The following NLGN1 variants were observed in gnomAD, a reference collection of about 807,000 sequenced individuals.
The protein encoded by NLGN1 is neuroligin 1, also known as neuroligin-1.
A neutral mutation model predicts 65.5 loss-of-function variants in NLGN1; 12 were observed. That is an observed-to-expected ratio of 0.18 (90% CI 0.12 to 0.30). The LOEUF (loss-of-function observed/expected upper bound fraction) is 0.30. Among genes scored for constraint, NLGN1 ranks in the 10% least tolerant of loss-of-function variants. NLGN1 has a pLI of 1.00. For synonymous variants in NLGN1, 350 were observed against 359.5 expected, an observed-to-expected ratio of 0.97 and a Z score of 0.30; for missense variants, 750 against 1,007.1, an observed-to-expected ratio of 0.74 and a Z score of 3.46.
intron 1 of NLGN1, among the ~76,000 whole-genome samples, chr3:173,419,505 C>T (rs1714569982): frequency 6.6e-6 from 1 of 151,868 alleles, no homozygotes; most frequent in Non-Finnish European, 1.5e-5. Context: ...GGCTGATGCC[C>T]TTTGGATTTA....
chr3:174,209,623 C>CTTTTTTTTTT (rs796169913), intron 4 of NLGN1, among the ~76,000 whole-genome samples: 10 of 82,068 alleles, frequency 1.2e-4, no homozygotes, highest in African/African-American at 2.4e-4. Context: ...ACCTTTCTTT[C>CTTTTTTTTTT]TTTTTTTTTT....
chr3:173,451,984 A>G (rs1182043597), intron 2 of NLGN1, among the ~76,000 whole-genome samples: 1 of 152,162 alleles, frequency 6.6e-6, no homozygotes, highest in Non-Finnish European at 1.5e-5. Flanking sequence ...AGGAAAGGGA[A>G]TTCCCTGACC....
chr3:173,533,367 T>C (rs536680037), intron 2 of NLGN1, among the ~76,000 whole-genome samples: 1 of 152,318 alleles, frequency 6.6e-6, no homozygotes, highest in South Asian at 2.1e-4. Flanking sequence ...AACAGAGATT[T>C]CATAGCAATT....
chr3:173,566,625 T>C (rs2149315765), intron 2 of NLGN1, among the ~76,000 whole-genome samples: 1 of 152,274 alleles, frequency 6.6e-6, no homozygotes, highest in East Asian at 1.9e-4. Context: ...ACTCCCTCTC[T>C]ACCCTCTACC....
chr3:173,890,965 G>A (rs1414945559), intron 4 of NLGN1, among the ~76,000 whole-genome samples: 3 of 152,154 alleles, frequency 2.0e-5, no homozygotes, highest in Non-Finnish European at 4.4e-5. Context: ...ATCATTGAGT[G>A]TTTATCTTGA....
intron 2 of NLGN1, among the ~76,000 whole-genome samples, chr3:173,530,995 C>G (rs1048887532): frequency 1.3e-5 from 2 of 152,008 alleles, no homozygotes; most frequent in African/African-American, 4.8e-5. Flanking sequence ...TAAAATCGTT[C>G]TTTCTTCTAA....
In NLGN1 at chr3:174,065,783, G is replaced by T. The variant is rs111265447; in HGVS notation, c.647-209532G>T. On this transcript the variant is annotated intron_variant, in intron 4 of 6. Transcript: ENST00000457714. The stretch of plus-strand genomic sequence containing the variant: ...TCTCCCTCTCTGGCTCTTCTCACCT[G>T]CTGTGAGGAAGACAGCCACCATGTT... Among the ~76,000 whole-genome samples, 939 of 151,694 alleles carry T rather than the reference G, an allele frequency of 6.2e-3. 14 individuals carry two copies. The highest frequency in any genetic ancestry group is 0.022 in the African/African-American group (900 of 41,398).
chr3:173,781,949 G>T (rs1252055959), intron 3 of NLGN1, among the ~76,000 whole-genome samples: 1 of 152,160 alleles, frequency 6.6e-6, no homozygotes, highest in East Asian at 1.9e-4. Context: ...TTTGATTTAA[G>T]ATTTAAGGGA....
intron 3 of NLGN1, among the ~76,000 whole-genome samples, chr3:173,802,963 C>G (rs1421345045): frequency 6.6e-6 from 1 of 152,014 alleles, no homozygotes; most frequent in Admixed American, 6.6e-5. Flanking sequence ...CTGCCACAGC[C>G]TCCCAAGTAG....
intron 2 of NLGN1, among the ~76,000 whole-genome samples, chr3:173,598,557 C>T (rs138998439): frequency 1.6e-3 from 244 of 152,194 alleles, no homozygotes; most frequent in African/African-American, 5.1e-3. Context: ...AATGGCTTTT[C>T]GTCATCTAGA....
intron 2 of NLGN1, among the ~76,000 whole-genome samples, chr3:173,557,657 A>G (rs189113132): frequency 3.3e-5 from 5 of 152,178 alleles, no homozygotes; most frequent in Admixed American, 1.3e-4. Context: ...ATCACAGTCT[A>G]CCTTGAATTA....
intron 2 of NLGN1, among the ~76,000 whole-genome samples, chr3:173,452,038 TCACGCACAGTG>T (rs1721651817): frequency 6.6e-6 from 1 of 152,168 alleles, no homozygotes; most frequent in Non-Finnish European, 1.5e-5. Flanking sequence ...CTGCTTCGGC[TCACGCACAGTG>T]CACTGCACCC....
chr3:173,842,033 T>C (rs1225418611), intron 4 of NLGN1, among the ~76,000 whole-genome samples: 1 of 152,170 alleles, frequency 6.6e-6, no homozygotes, highest in East Asian at 1.9e-4. Flanking sequence ...GGACTCACAG[T>C]TCCACATGGC....
chr3:174,270,417 T>C (rs1749185990), intron 4 of NLGN1, among the ~76,000 whole-genome samples: 1 of 151,852 alleles, frequency 6.6e-6, no homozygotes, highest in Non-Finnish European at 1.5e-5. Flanking sequence ...TGCCATTGCA[T>C]AGTCTTGGCA....
chr3:173,801,539 G>T (rs549194493), intron 3 of NLGN1, among the ~76,000 whole-genome samples: 1 of 152,018 alleles, frequency 6.6e-6, no homozygotes, highest in South Asian at 2.1e-4. Flanking sequence ...TGCCTTATTT[G>T]CATTGACATA....
intron 3 of NLGN1, among the ~76,000 whole-genome samples, chr3:173,681,207 A>G (rs1183484303): frequency 6.6e-6 from 1 of 152,156 alleles, no homozygotes; most frequent in Non-Finnish European, 1.5e-5. Context: ...TCAGAGTACT[A>G]TTTTTTTAAT....
chr3:174,241,029 A>G (rs1414920063), intron 4 of NLGN1, among the ~76,000 whole-genome samples: 2 of 152,206 alleles, frequency 1.3e-5, no homozygotes, highest in Non-Finnish European at 2.9e-5. Flanking sequence ...GTCATTAAGT[A>G]AGTAGTCACT....
chr3:173,881,175 T>C (rs1240972060), intron 4 of NLGN1, among the ~76,000 whole-genome samples: 1 of 145,878 alleles, frequency 6.9e-6, no homozygotes, highest in Non-Finnish European at 1.5e-5. Context: ...CTCAGCTCAC[T>C]GCAACTGCCG....
chr3:174,087,309 A>G lies in NLGN1; in HGVS notation c.647-188006A>G, dbSNP rs527778229. Reference sequence around the variant, plus strand: ...AAAAACAAGTATGTGGGTGTTTGTCAGAAGCACTCATTTCCTTACAGCCAT... The same window carrying G: ...AAAAACAAGTATGTGGGTGTTTGTCGGAAGCACTCATTTCCTTACAGCCAT... On this transcript the variant is annotated intron_variant, in intron 4 of 6. Transcript: ENST00000457714. 7.2e-5 allele frequency among the ~76,000 whole-genome samples: 11 copies of G among 152,320 alleles called. No individual in the cohort carries two copies. In the South Asian group the frequency reaches 2.1e-3, roughly 29 times the overall value.
Sources: gnomAD v4.1 joint callset for allele counts (sites outside exome capture counted in the v4.1 genomes callset) on GRCh38, gnomAD v4.1.1 for gene constraint, MANE v1.5 for transcripts, NCBI Gene and HGNC (gene_info 2026-07-23, HGNC 2026-07-21) for gene names.